NEBL: variants seen among roughly 807,000 people sequenced by gnomAD.
NEBL encodes the protein nebulette.
In NEBL, 122 loss-of-function variants were observed where a neutral mutation model predicts 140.2. The observed-to-expected ratio is 0.87, with a 90% CI of 0.75 to 1.01. The LOEUF (loss-of-function observed/expected upper bound fraction) is 1.01. NEBL is among the 50% of genes least tolerant of loss of function. The pLI, the probability that NEBL is intolerant of heterozygous loss-of-function variation, is 0.00. For synonymous variants in NEBL, 436 were observed against 398.9 expected (o/e 1.09, Z -1.11); for missense variants, 1,365 against 1,231.3 (o/e 1.11, Z -1.62).
At chr10:20,880,547 G>A (rs1845920041) in intron 5 of NEBL, among the ~76,000 whole-genome samples, 1 of 152,104 alleles carries the variant, frequency 6.6e-6, no homozygotes, top group African/African-American at 2.4e-5. Flanking sequence ...TAGGTCTGAA[G>A]GATCTACATT....
At chr10:21,221,343 C>T (rs1329633471) in intron 3 of NEBL, among the ~76,000 whole-genome samples, 1 of 152,112 alleles carries the variant, frequency 6.6e-6, no homozygotes, top group African/African-American at 2.4e-5. Context: ...AAAAAAATAA[C>T]TGACACAAAT....
intron 3 of NEBL, among the ~76,000 whole-genome samples, chr10:21,220,279 G>T (rs569462179): frequency 6.6e-6 from 1 of 152,246 alleles, no homozygotes; most frequent in Admixed American, 6.5e-5. Context: ...CTAACAGCTT[G>T]CATCTGGCAT....
At chr10:21,279,344 G>A (rs1006387534) in intron 1 of NEBL, among the ~76,000 whole-genome samples, 2 of 148,516 alleles carry the variant, frequency 1.3e-5, no homozygotes, top group Admixed American at 6.8e-5. Flanking sequence ...GTTGCCTAGG[G>A]TGGAGTGCAG....
intron 3 of NEBL, among the ~76,000 whole-genome samples, chr10:21,192,215 G>A (rs1324968377): frequency 6.9e-6 from 1 of 145,450 alleles, no homozygotes; most frequent in Non-Finnish European, 1.5e-5. Flanking sequence ...TTTTTGAGAT[G>A]GAGTCTCTCT....
chr10:21,273,858 C>T (rs1395256969), intron 1 of NEBL, among the ~76,000 whole-genome samples: 3 of 152,152 alleles, frequency 2.0e-5, no homozygotes, highest in Non-Finnish European at 1.5e-5. Context: ...CACCCCTTCT[C>T]CTTCACCAGA....
At chr10:21,109,101 C>A (rs985217864) in intron 2 of NEBL, among the ~76,000 whole-genome samples, 1 of 152,090 alleles carries the variant, frequency 6.6e-6, no homozygotes, top group African/African-American at 2.4e-5. Flanking sequence ...ATGCTTCCAG[C>A]TTTTGCCCAT....
At position 21,168,067 on chromosome 10, in the gene NEBL, A is replaced by G. The variant is rs117588303; in HGVS notation, c.164+4316T>C. Among the ~76,000 whole-genome samples, 64 of 152,336 alleles carry G rather than the reference A, an allele frequency of 4.2e-4. 2 individuals are homozygous for G. In the East Asian group the frequency reaches 0.012, roughly 28 times the overall value. On this transcript the variant is annotated intron_variant, in intron 2 of 6. Coordinates refer to the NEBL transcript ENST00000417816. Reference sequence around the variant, plus strand: ...TATACTTTGATCGTTCTATCAAAAGATCAAAATTTAAATATCATGTAAATT... The same window carrying G: ...TATACTTTGATCGTTCTATCAAAAGGTCAAAATTTAAATATCATGTAAATT...
intron 5 of NEBL, among the ~76,000 whole-genome samples, chr10:20,875,517 G>C (rs1376704112): frequency 6.6e-6 from 1 of 152,194 alleles, no homozygotes; most frequent in African/African-American, 2.4e-5. Context: ...CACATGTGCA[G>C]CTGGAGGATT....
chr10:21,206,978 T>G (rs1312456748), intron 3 of NEBL, among the ~76,000 whole-genome samples: 2 of 144,080 alleles, frequency 1.4e-5, no homozygotes, highest in Non-Finnish European at 3.0e-5. Context: ...CTTTTTTTTT[T>G]TTTTTTTTTT....
At chr10:21,172,550 G>T in intron 1 of NEBL, 1 of 1,034,344 alleles carries the variant, frequency 9.7e-7, no homozygotes, top group Non-Finnish European at 1.5e-6. Context: ...CAGAAGGAAG[G>T]CTTTTTAGTG....
intron 2 of NEBL, chr10:21,029,533 A>G: frequency 6.2e-7 from 1 of 1,607,674 alleles, no homozygotes. Context: ...GGATACAGAC[A>G]GGGACGATCG....
intron 3 of NEBL, among the ~76,000 whole-genome samples, chr10:21,004,286 A>G (rs993505879): frequency 2.6e-5 from 4 of 152,180 alleles, no homozygotes; most frequent in African/African-American, 9.7e-5. Context: ...CATCATTAAT[A>G]AAAAAATAAA....
rs536195117 is a variant in NEBL, at chr10:21,074,520, C to T, written c.165-54319G>A. On this transcript the variant is annotated intron_variant, in intron 2 of 6. Coordinates refer to the NEBL transcript ENST00000417816. ...TTTGAGTCAGAGTCTCGCTCTGTTG[C>T]CCAGGCTGGAGTGCAGTGGTGATCT... Among the ~76,000 whole-genome samples, 7 of 151,042 alleles carry T rather than the reference C, an allele frequency of 4.6e-5. No homozygotes were observed. The South Asian group carries it at 1.3e-3, about 27-fold the overall frequency.
intron 2 of NEBL, among the ~76,000 whole-genome samples, chr10:21,036,680 C>T (rs1834028599): frequency 6.6e-6 from 1 of 152,010 alleles, no homozygotes; most frequent in South Asian, 2.1e-4. Flanking sequence ...TTGCACCCTC[C>T]TTTTACTCCA....
intron 2 of NEBL, among the ~76,000 whole-genome samples, chr10:20,891,011 C>G (rs1296496088): frequency 6.6e-6 from 1 of 152,074 alleles, no homozygotes; most frequent in Non-Finnish European, 1.5e-5. Flanking sequence ...TAATTATAAC[C>G]CAAAAGTGGA....
intron 3 of NEBL, among the ~76,000 whole-genome samples, chr10:21,199,264 C>G (rs183699643): frequency 6.6e-6 from 1 of 152,146 alleles, no homozygotes; most frequent in East Asian, 1.9e-4. Context: ...AATTCTTGGA[C>G]TGAAGCCATC....
intron 2 of NEBL, among the ~76,000 whole-genome samples, chr10:21,104,617 A>AT (rs373787064): frequency 3.4e-4 from 51 of 151,498 alleles, no homozygotes; most frequent in South Asian, 1.0e-3. Flanking sequence ...AGTTCAGTTG[A>AT]TTTTTTTTTC....
intron 2 of NEBL, among the ~76,000 whole-genome samples, chr10:21,065,413 A>T (rs1280213336): frequency 6.6e-6 from 1 of 152,222 alleles, no homozygotes; most frequent in Non-Finnish European, 1.5e-5. Context: ...TTAGGTACCC[A>T]GTCTTGACTT....
chr10:21,120,796 C>T (rs943164469), intron 2 of NEBL, among the ~76,000 whole-genome samples: 1 of 151,466 alleles, frequency 6.6e-6, no homozygotes, highest in Admixed American at 6.6e-5. Flanking sequence ...CAAGTGAGGT[C>T]TGAAGTCAGT....
Sources: allele counts gnomAD v4.1 joint callset (sites outside exome capture counted in the v4.1 genomes callset), GRCh38; gene constraint gnomAD v4.1.1; transcripts MANE v1.5; gene names NCBI Gene and HGNC (gene_info 2026-07-23, HGNC 2026-07-21).